Variants in SPPL2B observed in about 807,000 individuals in gnomAD.
The protein encoded by SPPL2B is signal peptide peptidase like 2B, also known as signal peptide peptidase-like 2B.
In SPPL2B, 39 loss-of-function variants were observed where a neutral mutation model predicts 59.7. The observed-to-expected ratio is 0.65, with a 90% CI of 0.51 to 0.85. The LOEUF (loss-of-function observed/expected upper bound fraction) is 0.85. Among genes scored for constraint, SPPL2B ranks in the 40% least tolerant of loss-of-function variants. The probability of loss-of-function intolerance (pLI) is 0.00; values close to 1 mark genes in which losing one functional copy is unlikely to be tolerated. For missense variants in SPPL2B, 865 were observed against 849.0 expected, an observed-to-expected ratio of 1.02 and a Z score of -0.23; for synonymous variants, 419 against 370.8, an observed-to-expected ratio of 1.13 and a Z score of -1.49.
chr19:2,336,637 G>T (rs1055095986), intron 2 of SPPL2B, among the ~76,000 whole-genome samples: 4 of 151,726 alleles, frequency 2.6e-5, no homozygotes, highest in African/African-American at 9.7e-5. Flanking sequence ...TGGCCTGGCT[G>T]TGTGTGCGTG....
chr19:2,341,947 T>C (rs1485814357), intron 8 of SPPL2B: 1 of 197,360 alleles, frequency 5.1e-6, no homozygotes, highest in East Asian at 1.5e-4. Context: ...TAATATAAAA[T>C]CAGAAAAAAT....
chr19:2,344,061 C>T, intron 10 of SPPL2B, 22 bp downstream of exon 10: 2 of 1,525,466 alleles, frequency 1.3e-6, no homozygotes, highest in South Asian at 1.2e-5. Flanking sequence ...CCTGTCCCTG[C>T]TCCACCCCAT....
intron 2 of SPPL2B, among the ~76,000 whole-genome samples, chr19:2,334,996 C>G (rs915548383): frequency 7.2e-5 from 11 of 152,116 alleles, no homozygotes; most frequent in Non-Finnish European, 1.5e-4. Flanking sequence ...TGCCGGGGAC[C>G]CTATCCAGTG....
At chr19:2,339,771 C>G in intron 5 of SPPL2B, 53 bp from the exon 6 acceptor site, 1 of 1,577,098 alleles carries the variant, frequency 6.3e-7, no homozygotes, top group East Asian at 2.3e-5. Flanking sequence ...GCTCCCGAGC[C>G]CCGTGTCGGC....
rs747530260 is a variant in SPPL2B, at chr19:2,334,742, C to T, written c.186+21C>T. The stretch of plus-strand genomic sequence containing the variant: ...AGGCAGTGAGTACCCGCTGGCCGGG[C>T]GCCGCTGCGGAGGAGAATGCGGGGG... On this transcript the variant is annotated intron_variant, in intron 2 of 14. Coordinates refer to ENST00000613503, the MANE Select transcript of SPPL2B (RefSeq NM_152988.3). 98 of 1,541,838 alleles carry T rather than the reference C, an allele frequency of 6.4e-5. 2 individuals are homozygous for T. The South Asian group carries it at 1.1e-3, about 17-fold the overall frequency.
At chr19:2,337,119 C>T (rs1277128510) in intron 2 of SPPL2B, 4 of 267,086 alleles carry the variant, frequency 1.5e-5, no homozygotes, top group Non-Finnish European at 2.1e-5. Context: ...TCACAGATGC[C>T]TGGCCGTGGT....
intron 12 of SPPL2B, among the ~76,000 whole-genome samples, chr19:2,345,011 C>G (rs745783437): frequency 1.3e-5 from 2 of 152,096 alleles, no homozygotes; most frequent in African/African-American, 4.8e-5. Context: ...CTCAGTGTCC[C>G]CAGGGTCCTG....
intron 2 of SPPL2B, among the ~76,000 whole-genome samples, chr19:2,336,779 C>T (rs1439693877): frequency 2.0e-5 from 3 of 146,358 alleles, no homozygotes; most frequent in Admixed American, 1.4e-4. Flanking sequence ...GCATGCACTC[C>T]AGCCTGGCTG....
intron 13 of SPPL2B, among the ~76,000 whole-genome samples, chr19:2,349,726 T>C (rs1462371083): frequency 4.4e-5 from 6 of 135,218 alleles, no homozygotes; most frequent in East Asian, 2.2e-4. Context: ...TCTCATTCGC[T>C]TGATTCCGTT....
At chr19:2,329,648 C>T (rs1968176488) in intron 1 of SPPL2B, among the ~76,000 whole-genome samples, 1 of 152,232 alleles carries the variant, frequency 6.6e-6, no homozygotes, top group African/African-American at 2.4e-5. Flanking sequence ...GCGTCGCCGC[C>T]ACCTGGCTCC....
rs765459382 is a variant in SPPL2B, at chr19:2,339,812, G to A, written c.600-12G>A. ...GGCCCCAGGGCCCCACGACCCCATG[G>A]TGTCTCCCAAGAAGGTACATGAAGC... On this transcript the variant is annotated splice_polypyrimidine_tract_variant and intron_variant, in intron 5 of 14. Transcript: ENST00000613503. The A allele has an allele frequency of 2.5e-6, 4 of 1,603,454 alleles. No homozygotes were observed. The highest frequency in any genetic ancestry group is 1.7e-5 in the Admixed American group (1 of 58,480).
At chr19:2,335,815 G>T (rs770378457) in intron 2 of SPPL2B, among the ~76,000 whole-genome samples, 1 of 152,150 alleles carries the variant, frequency 6.6e-6, no homozygotes, top group Admixed American at 6.5e-5. Flanking sequence ...GAGGTGTGCC[G>T]GCGAAGAGGC....
chr19:2,346,750 TC>T (rs1969390080), intron 13 of SPPL2B, among the ~76,000 whole-genome samples: 1 of 152,234 alleles, frequency 6.6e-6, no homozygotes, highest in Non-Finnish European at 1.5e-5. Context: ...TGTCAAGTTG[TC>T]CCTGTAATTC....
intron 8 of SPPL2B, chr19:2,342,060 G>A (rs1392089198): frequency 6.4e-6 from 1 of 156,888 alleles, no homozygotes; most frequent in Admixed American, 6.3e-5. Flanking sequence ...GCCCCGCCCT[G>A]GAGATGTTTT....
At chr19:2,345,169 G>T (rs1969294088) in intron 12 of SPPL2B, 84 bp from the exon 13 acceptor site, 4 of 1,160,054 alleles carry the variant, frequency 3.4e-6, no homozygotes, top group Non-Finnish European at 5.1e-6. Context: ...GCCCACAGGT[G>T]CTCAGGTGCC....
At position 2,337,539 on chromosome 19, in the gene SPPL2B, C is replaced by T. The variant is rs774466076; in HGVS notation, c.283C>T (p.Arg95Trp). 8 of 1,612,768 alleles carry T rather than the reference C, an allele frequency of 5.0e-6. No homozygotes were observed. The highest frequency in any genetic ancestry group is 2.5e-6 in the Non-Finnish European group (3 of 1,179,674). ...GFSNQIPLVARGNCTFYEKVR... is the reference protein window; with the variant it reads ...GFSNQIPLVAWGNCTFYEKVR... ...CAGCAACCAGATCCCGCTGGTGGCG[C>T]GGGGGAACTGCACCTTCTATGAGAA... Residue 95 changes from arginine (R) to tryptophan (W), a missense_variant, in exon 3 of 15, where the codon CGG becomes TGG. Arg to Trp is a moderately radical substitution (Grantham distance 101). Coordinates refer to ENST00000613503, the MANE Select transcript of SPPL2B (RefSeq NM_152988.3).
Position 2,337,316 on chromosome 19 carries a change from G to T in SPPL2B, c.187-127G>T, listed in dbSNP as rs536445452. 2.1e-5 allele frequency: 19 copies of T among 898,602 alleles called. No homozygotes were observed. The South Asian group carries it at 3.4e-4, about 16-fold the overall frequency. The allele number at this position is 898,602 out of a possible 1,614,324, so 55.7% of individuals were successfully genotyped here. A position where few individuals can be genotyped will look rare whatever the true frequency, so the allele number is the denominator to read the frequency against. ...GGATGGCTCTGCCTAGGTGGGCCGA[G>T]GCCGTGCGGGGCTTTAGGTGAGGGC... is the stretch of plus-strand genomic sequence containing the variant. On this transcript the variant is annotated intron_variant, in intron 2 of 14. Transcript: ENST00000613503.
At position 2,338,848 on chromosome 19, in the gene SPPL2B, C is replaced by T. The variant is rs1284779885; in HGVS notation, c.459+7C>T. The stretch of plus-strand genomic sequence containing the variant: ...CATGCTGGACATCTTCACGGTAGGT[C>T]TGCGCCGGCTCAGACCCACGCTCCC... On this transcript the variant is annotated splice_region_variant and intron_variant, in intron 4 of 14. Transcript: ENST00000613503. The T allele has an allele frequency of 6.2e-7, 1 of 1,612,462 alleles. No homozygotes were observed. The highest frequency in any genetic ancestry group is 2.2e-5 in the East Asian group (1 of 44,862).
chr19:2,335,215 T>TC (rs67378078), intron 2 of SPPL2B, among the ~76,000 whole-genome samples: 6,585 of 87,898 alleles, frequency 0.075, 580 homozygotes, highest in African/African-American at 0.15. Context: ...CCGCCTCCTT[T>TC]CCACTGCATC....
Sources: gnomAD v4.1 joint callset for allele counts (sites outside exome capture counted in the v4.1 genomes callset) on GRCh38, gnomAD v4.1.1 for gene constraint, MANE v1.5 for transcripts, NCBI Gene and HGNC (gene_info 2026-07-23, HGNC 2026-07-21) for gene names.